Variants in SCARF1 observed in about 807,000 individuals in gnomAD.
SCARF1 encodes acetyl LDL receptor.
In SCARF1, 49 loss-of-function variants were observed where a neutral mutation model predicts 76.3. The ratio of observed to expected loss-of-function variants is 0.64; its 90% CI spans 0.51 to 0.81. The LOEUF (loss-of-function observed/expected upper bound fraction) is 0.81, where lower values mean the gene tolerates loss of function less well. SCARF1 is among the 40% of genes least tolerant of loss of function. The pLI is 0.00. For missense variants in SCARF1, 1,098 were observed against 1,143.9 expected (o/e 0.96, Z 0.58); for synonymous variants, 495 against 474.6 (o/e 1.04, Z -0.56).
At chr17:1,641,787 T>C (rs1312052022) in intron 4 of SCARF1, among the ~76,000 whole-genome samples, 1 of 152,220 alleles carries the variant, frequency 6.6e-6, no homozygotes, top group Non-Finnish European at 1.5e-5. Context: ...AGTGGCGCGA[T>C]CTTGGCTCAC....
At position 1,644,482 on chromosome 17, in the gene SCARF1, G is replaced by A. The variant is rs1169698556; in HGVS notation, c.265+352C>T. ...CTCTTTCTGCCAGAGAGGGCAGAGA[G>A]CCCAGCCAGGGGCCCCCTTCCATCC... On this transcript the variant is annotated intron_variant, in intron 3 of 10. Transcript: ENST00000263071. This position sits in a 1 kb window ranked among gnomAD's most constrained non-coding sequence, Gnocchi z 4.8. The A allele has an allele frequency of 5.5e-6, 2 of 364,450 alleles. No homozygotes were observed. The highest frequency in any genetic ancestry group is 4.2e-5 in the African/African-American group (2 of 48,032). The allele number at this position is 364,450 out of a possible 1,614,324, so 22.6% of individuals were successfully genotyped here.
rs1225759506 is a variant in SCARF1 at position 1,644,715 on chromosome 17, TG to T, written c.265+118del. 6.5e-5 allele frequency: 60 copies of T among 926,102 alleles called. No homozygotes were observed. Among genetic ancestry groups the T allele is most frequent in the Non-Finnish European group, 8.5e-5 (51 of 601,082 alleles). 57.4% of individuals were successfully genotyped at this position (926,102 alleles called of 1,614,324 possible). A position where few individuals can be genotyped will look rare whatever the true frequency, so the allele number is the denominator to read the frequency against. On this transcript the variant is annotated intron_variant, in intron 3 of 10. Transcript: ENST00000263071. This position sits in a 1 kb window ranked among gnomAD's most constrained non-coding sequence, Gnocchi z 4.8. ...CTGGACCGCAATTCCTCAGTGAAGC[TG>T]GGGGGGATTCTGGCCCTGCTGTCCT...
At chr17:1,641,322 G>A (rs569346445) in intron 4 of SCARF1, among the ~76,000 whole-genome samples, 3 of 152,306 alleles carry the variant, frequency 2.0e-5, no homozygotes, top group Non-Finnish European at 2.9e-5. Flanking sequence ...TGCTCTTTAC[G>A]AGGATCTAAT....
chr17:1,637,160 T>TAGA, intron 8 of SCARF1, 98 bp from the exon 9 acceptor site: 1 of 1,249,882 alleles, frequency 8.0e-7, no homozygotes, highest in Non-Finnish European at 1.1e-6. Context: ...TCTACTTCAG[T>TAGA]GGCTTCAGTG....
rs565075165 is a variant in SCARF1, at chr17:1,641,166, G to A, written c.792-500C>T. ...ATGGACTGGTACTAGTCCGTGGCAT[G>A]TTAGGAACTGGGCGACAGCGTAGAG... On this transcript the variant is annotated intron_variant, in intron 4 of 10. Coordinates refer to ENST00000263071, the MANE Select transcript of SCARF1 (RefSeq NM_003693.4). Among the ~76,000 whole-genome samples, 8 of 152,356 alleles carry A rather than the reference G, an allele frequency of 5.3e-5. No homozygotes were observed. In the South Asian group the frequency reaches 1.7e-3, roughly 32 times the overall value.
Position 1,634,964 on chromosome 17 carries a change from G to A in SCARF1, c.2287C>T (p.Pro763Ser). The change falls in exon 11 of 11, where the codon CCT becomes TCT. Residue 763 changes from proline to serine, a missense_variant. Physicochemically the swap from Pro to Ser is moderately conservative, Grantham distance 74. Coordinates refer to ENST00000263071, the MANE Select transcript of SCARF1 (RefSeq NM_003693.4). ...SPNSAPKAGL[P>S]GATGPMAVRP... is the part of the protein sequence containing the mutation. ...ACTGCCATAGGCCCTGTGGCCCCAG[G>A]AAGCCCAGCTTTTGGGGCTGAGTTG... The A allele has an allele frequency of 1.9e-6, 3 of 1,613,248 alleles. No homozygotes were observed. Among genetic ancestry groups the A allele is most frequent in the Non-Finnish European group, 2.5e-6 (3 of 1,179,548 alleles).
At chr17:1,636,091 G>A (rs1282075436) in intron 10 of SCARF1, among the ~76,000 whole-genome samples, 1 of 151,974 alleles carries the variant, frequency 6.6e-6, no homozygotes, top group East Asian at 1.9e-4. Flanking sequence ...CTTTCACTTG[G>A]CCAACTCCTA....
intron 4 of SCARF1, among the ~76,000 whole-genome samples, chr17:1,642,909 C>A (rs1910167939): frequency 6.6e-6 from 1 of 152,130 alleles, no homozygotes; most frequent in Non-Finnish European, 1.5e-5. Flanking sequence ...AGCATGTTGG[C>A]CAGGATGGTC....
chr17:1,645,082 A>G lies in SCARF1; in HGVS notation c.163+96T>C, dbSNP rs139233187. On this transcript the variant is annotated intron_variant, in intron 2 of 10. Coordinates refer to ENST00000263071, the MANE Select transcript of SCARF1 (RefSeq NM_003693.4). This position sits in a 1 kb window ranked among gnomAD's most constrained non-coding sequence, Gnocchi z 6.3. The stretch of plus-strand genomic sequence containing the variant: ...CACAGGAGAAACCCTGACTCCTGGT[A>G]TCAGGAGGGGCAGGCCCCATGGGGT... The G allele has an allele frequency of 6.4e-6, 10 of 1,560,412 alleles. No individual in the cohort carries two copies. The highest frequency in any genetic ancestry group is 7.9e-6 in the Non-Finnish European group (9 of 1,139,048).
chr17:1,634,996 T>C lies in SCARF1; in HGVS notation c.2255A>G (p.Gln752Arg). 1 of 1,613,882 alleles carries C rather than the reference T, an allele frequency of 6.2e-7. No homozygotes were observed. The highest frequency in any genetic ancestry group is 2.2e-5 in the East Asian group (1 of 44,874). Residue 752 changes from glutamine (Q) to arginine (R), a missense_variant, in exon 11 of 11, where the codon CAG becomes CGG. Transcript: ENST00000263071. ...SPGLASGSVG[Q>R]SPNSAPKAGL... ...AGCTTTTGGGGCTGAGTTGGGGCTC[T>C]GGCCGACAGAGCCAGAGGCAAGGCC...
rs1910491172 is a variant in SCARF1, at chr17:1,645,688, C to T, written c.10G>A (p.Gly4Arg). Residue 4 changes from glycine to arginine, a missense_variant, in exon 1 of 11, where the codon GGG becomes AGG. Physicochemically the swap from Gly to Arg is moderately radical, Grantham distance 125 (BLOSUM62 -2). Transcript: ENST00000263071. This position sits in a 1 kb window ranked among gnomAD's most constrained non-coding sequence, Gnocchi z 6.3. MGLGLLLPLLLLWT... is the reference protein window; with the variant it reads MGLRLLLPLLLLWT... ...AGCAGCAGCAGCGGGAGCAGCAGCC[C>T]CAGCCCCATGGCAGGCAGCTCGGTG... 3.7e-6 allele frequency: 6 copies of T among 1,604,176 alleles called. 1 individual carries two copies. Among genetic ancestry groups the T allele is most frequent in the Middle Eastern group, 3.3e-4 (2 of 6,060 alleles).
rs1347893163 is a variant in SCARF1 at position 1,645,719 on chromosome 17, G to A, written c.-22C>T. 17 of 1,572,898 alleles carry A rather than the reference G, an allele frequency of 1.1e-5. No homozygotes were observed. The highest frequency in any genetic ancestry group is 3.4e-4 in the Middle Eastern group (2 of 5,958). On this transcript the variant is annotated 5_prime_UTR_variant, in exon 1 of 11. Transcript: ENST00000263071. The surrounding 1 kb of genome is among the most constrained non-coding windows in gnomAD (Gnocchi z 6.3). ...CCATGGCAGGCAGCTCGGTGGGAGC[G>A]CTCGGGTTCGTCTGGCCCCCACAGC...
In SCARF1 at chr17:1,643,864, G is replaced by A; in HGVS notation, c.369C>T (p.Asp123=). The part of the protein sequence containing the change: ...PATGACQCQA[D]RWGARCEFPC... ...GGAACTCGCAGCGGGCTCCCCAGCG[G>A]TCGGCCTGGCACTGGCACGCGCCCG... The change falls in exon 4 of 11, where the codon GAC becomes GAT. Residue 123 remains aspartate (D), a synonymous_variant. Coordinates refer to ENST00000263071, the MANE Select transcript of SCARF1 (RefSeq NM_003693.4). 1 of 1,281,894 alleles carries A rather than the reference G, an allele frequency of 7.8e-7. No individual in the cohort carries two copies. Among genetic ancestry groups the A allele is most frequent in the East Asian group, 3.1e-5 (1 of 32,028 alleles). 79.4% of individuals were successfully genotyped at this position (1,281,894 alleles called of 1,614,324 possible).
At chr17:1,641,659 A>C (rs1415746717) in intron 4 of SCARF1, among the ~76,000 whole-genome samples, 1 of 152,186 alleles carries the variant, frequency 6.6e-6, no homozygotes, top group African/African-American at 2.4e-5. Flanking sequence ...GTAGGGGAGA[A>C]GAAGGGCAGT....
intron 8 of SCARF1, 135 bp from the exon 9 acceptor site, chr17:1,637,197 C>G (rs1909645664): frequency 2.1e-6 from 2 of 949,498 alleles, no homozygotes; most frequent in Admixed American, 2.7e-5. Context: ...AGAATAAAAT[C>G]CAAATGATTG....
rs1347272917 is a variant in SCARF1, at chr17:1,639,629, TCCACCTTA to T, written c.1243+2_1243+9del. On this transcript the variant is annotated splice_donor_variant and splice_donor_5th_base_variant and intron_variant, in intron 7 of 10. Coordinates refer to ENST00000263071, the MANE Select transcript of SCARF1 (RefSeq NM_003693.4). LOFTEE classifies it high-confidence loss of function. ...TGGCTACTGCACCCCGCAGCCTTCT[TCCACCTTA>T]CCTGGCTGGCAGGACCCAGAGACAG... The T allele has an allele frequency of 1.9e-6, 3 of 1,553,750 alleles. No individual in the cohort carries two copies. In the African/African-American group the frequency reaches 4.1e-5, roughly 21 times the overall value.
In SCARF1 at chr17:1,645,325, G is replaced by C. The variant is rs1049811874; in HGVS notation, c.102-86C>G. The C allele has an allele frequency of 5.9e-6, 9 of 1,524,466 alleles. No individual in the cohort carries two copies. The African/African-American group carries it at 1.2e-4, about 21-fold the overall frequency. The allele number at this position is 1,524,466 out of a possible 1,614,324, so 94.4% of individuals were successfully genotyped here. On this transcript the variant is annotated intron_variant, in intron 1 of 10. Coordinates refer to ENST00000263071, the MANE Select transcript of SCARF1 (RefSeq NM_003693.4). This position sits in a 1 kb window ranked among gnomAD's most constrained non-coding sequence, Gnocchi z 6.3. Reference sequence around the variant, plus strand: ...GTGGATCACTGTCTCTGGCTGCAGTGGGGGAGGCTGCCTTAGCCCCCTGGG... The same window carrying C: ...GTGGATCACTGTCTCTGGCTGCAGTCGGGGAGGCTGCCTTAGCCCCCTGGG...
In SCARF1 at chr17:1,640,185, T is replaced by G. The variant is rs935525878; in HGVS notation, c.1011-145A>C. On this transcript the variant is annotated intron_variant, in intron 5 of 10. Coordinates refer to ENST00000263071, the MANE Select transcript of SCARF1 (RefSeq NM_003693.4). The surrounding 1 kb of genome is among the most constrained non-coding windows in gnomAD (Gnocchi z 4.7). ...GTGAAGCTCAGGTGCAAATAGGGCCTTGAACTTGGGGCCAAATCCAGCAGG... is the reference window on the plus strand; with the variant it reads ...GTGAAGCTCAGGTGCAAATAGGGCCGTGAACTTGGGGCCAAATCCAGCAGG... 1 of 1,011,550 alleles carries G rather than the reference T, an allele frequency of 9.9e-7. No homozygotes were observed. The highest frequency in any genetic ancestry group is 1.6e-5 in the African/African-American group (1 of 61,750). 62.7% of individuals were successfully genotyped at this position (1,011,550 alleles called of 1,614,324 possible). A position where few individuals can be genotyped will look rare whatever the true frequency, so the allele number is the denominator to read the frequency against.
chr17:1,641,433 C>G (rs147737331), intron 4 of SCARF1, among the ~76,000 whole-genome samples: 2 of 152,312 alleles, frequency 1.3e-5, no homozygotes, highest in African/African-American at 4.8e-5. Flanking sequence ...TATGGTGAGT[C>G]ATATTATTAT....
Sources: allele counts gnomAD v4.1 joint callset (sites outside exome capture counted in the v4.1 genomes callset), GRCh38; gene constraint gnomAD v4.1.1; non-coding constraint Gnocchi (gnomAD v3.1); transcripts MANE v1.5; gene names NCBI Gene and HGNC (gene_info 2026-07-23, HGNC 2026-07-21).